Variants in OOSP4B observed in about 807,000 individuals in gnomAD.
OOSP4B encodes oocyte-secreted protein 4B.
At chr11:60,029,845 A>T (rs1854788210) in exon 4 of OOSP4B, 2 of 398,404 alleles carry the variant, frequency 5.0e-6, no homozygotes, top group African/African-American at 4.1e-5. Context: ...CCTTGAAAGA[A>T]ATCCCTCAAA....
At chr11:60,023,031 A>C (rs1313880343) in intron 1 of OOSP4B, among the ~76,000 whole-genome samples, 1 of 152,236 alleles carries the variant, frequency 6.6e-6, no homozygotes, top group Non-Finnish European at 1.5e-5. Context: ...AATAAACATT[A>C]ATTGAGCATT....
intron 1 of OOSP4B, among the ~76,000 whole-genome samples, chr11:60,023,122 A>G (rs1408763521): frequency 6.6e-6 from 1 of 152,224 alleles, no homozygotes; most frequent in Non-Finnish European, 1.5e-5. Context: ...GTAGATAATA[A>G]TGACTACGTT....
At chr11:60,023,975 C>T in exon 2 of OOSP4B, 1 of 398,558 alleles carries the variant, frequency 2.5e-6, no homozygotes, top group Non-Finnish European at 4.4e-6. Context: ...CGACATACAC[C>T]TGAGAGATAA....
rs138627739 is a variant in OOSP4B at position 60,020,675 on chromosome 11, G to A, written c.23-3205G>A. ...CAGAAAGGGGCTCCCACAGTGCAGC[G>A]GCGGGCTAAAGGGCTCCTCAAGCGG... On this transcript the variant is annotated intron_variant, in intron 1 of 4. Coordinates refer to ENST00000642343, the Ensembl canonical transcript of OOSP4B. 4.8e-3 allele frequency among the ~76,000 whole-genome samples: 727 copies of A among 152,358 alleles called. 8 individuals are homozygous for A. The highest frequency in any genetic ancestry group is 0.015 in the South Asian group (72 of 4,834).
intron 2 of OOSP4B, among the ~76,000 whole-genome samples, 156 bp downstream of exon 2, chr11:60,024,217 T>C (rs1163715966): frequency 6.6e-6 from 1 of 152,168 alleles, no homozygotes; most frequent in East Asian, 1.9e-4. Context: ...ATCTACTTAA[T>C]TGGGACATTT....
chr11:60,022,930 T>A (rs972641493), intron 1 of OOSP4B, among the ~76,000 whole-genome samples: 1 of 152,204 alleles, frequency 6.6e-6, no homozygotes, highest in African/African-American at 2.4e-5. Flanking sequence ...GTTTAATTGA[T>A]ACTGAGGATG....
chr11:60,020,212 C>G (rs1286390), intron 1 of OOSP4B, among the ~76,000 whole-genome samples: 1 of 152,062 alleles, frequency 6.6e-6, no homozygotes. Flanking sequence ...GATCCCATAC[C>G]GGGGCTGCAG....
chr11:60,029,036 A>G (rs1854776320), intron 3 of OOSP4B, among the ~76,000 whole-genome samples: 1 of 152,250 alleles, frequency 6.6e-6, no homozygotes, highest in Non-Finnish European at 1.5e-5. Flanking sequence ...AAAGGCTATT[A>G]TGCCTTATCT....
intron 1 of OOSP4B, chr11:60,022,307 G>C (rs75123977): frequency 6.6e-6 from 1 of 152,178 alleles, no homozygotes; most frequent in African/African-American, 2.4e-5. Context: ...TAGTCCTGCT[G>C]CTATGAGGTA....
intron 1 of OOSP4B, chr11:60,019,447 G>A (rs573361482): frequency 2.3e-5 from 4 of 175,868 alleles, no homozygotes; most frequent in South Asian, 3.5e-4. Context: ...GGACCCTCGC[G>A]GTGAGTGTTA....
chr11:60,020,509 C>T lies in OOSP4B; in HGVS notation c.22+3096C>T, dbSNP rs192548436. 4.2e-3 allele frequency among the ~76,000 whole-genome samples: 640 copies of T among 152,322 alleles called. 16 individuals carry two copies. The highest frequency in any genetic ancestry group is 0.03 in the Admixed American group (466 of 15,304). ...GGGGGCGGGGGCCAGCCGGCGGCTCCGAGTGTGGGGCAGCGGAGCCCACGC... is the reference window on the plus strand; with the variant it reads ...GGGGGCGGGGGCCAGCCGGCGGCTCTGAGTGTGGGGCAGCGGAGCCCACGC... On this transcript the variant is annotated intron_variant, in intron 1 of 4. Transcript: ENST00000642343.
intron 1 of OOSP4B, chr11:60,021,672 C>A (rs1452896917): frequency 6.6e-6 from 1 of 152,170 alleles, no homozygotes; most frequent in Non-Finnish European, 1.5e-5. Context: ...CTCAGGTTTT[C>A]TTTGTTAGAC....
At chr11:60,030,851 C>T in exon 5 of OOSP4B, 1 of 398,206 alleles carries the variant, frequency 2.5e-6, no homozygotes, top group Non-Finnish European at 4.4e-6. Context: ...TGTTATAACA[C>T]CCTCTCCTCC....
At position 60,020,569 on chromosome 11, in the gene OOSP4B, G is replaced by C. The variant is rs369676405; in HGVS notation, c.22+3156G>C. Among the ~76,000 whole-genome samples the C allele has an allele frequency of 1.3e-3, 192 of 152,302 alleles. No individual in the cohort carries two copies. In the East Asian group the frequency reaches 0.027, roughly 21 times the overall value. On this transcript the variant is annotated intron_variant, in intron 1 of 4. Coordinates refer to ENST00000642343, the Ensembl canonical transcript of OOSP4B. ...ACTTGCGCTGGCCTGCAAGCACAGC[G>C]AGCAGCCCCGGTTCCCGCCGGCGCC...
intron 3 of OOSP4B, among the ~76,000 whole-genome samples, chr11:60,025,271 G>A (rs2846081): frequency 0.12 from 18,387 of 152,176 alleles, 1,184 homozygotes; most frequent in South Asian, 0.24. Context: ...GAAGACATGA[G>A]TACACTTTTC....
exon 1 of OOSP4B, chr11:60,017,318 T>G (rs1854638036): frequency 2.5e-6 from 1 of 398,416 alleles, no homozygotes; most frequent in South Asian, 1.3e-4. Flanking sequence ...TGGCCAAAGG[T>G]TTATAAGCAC....
At chr11:60,018,625 G>T (rs917343566) in intron 1 of OOSP4B, among the ~76,000 whole-genome samples, 1 of 152,124 alleles carries the variant, frequency 6.6e-6, no homozygotes, top group Non-Finnish European at 1.5e-5. Flanking sequence ...GCTAATGACC[G>T]CCTCTTTGTA....
At chr11:60,024,438 G>A (rs544521853) in intron 2 of OOSP4B, among the ~76,000 whole-genome samples, 1 of 152,300 alleles carries the variant, frequency 6.6e-6, no homozygotes, top group South Asian at 2.1e-4. Context: ...TATTTGGGAG[G>A]CTGAGGCAGG....
chr11:60,028,168 T>A (rs1009650063), intron 3 of OOSP4B, among the ~76,000 whole-genome samples: 5 of 151,418 alleles, frequency 3.3e-5, no homozygotes, highest in Admixed American at 6.6e-5. Context: ...AGTCACTGTT[T>A]TTTTTTTCTT....
Sources: gnomAD v4.1 joint callset for allele counts (sites outside exome capture counted in the v4.1 genomes callset) on GRCh38, gnomAD v4.1.1 for gene constraint, MANE v1.5 for transcripts, NCBI Gene and HGNC (gene_info 2026-07-23, HGNC 2026-07-21) for gene names.